CTBP2: variants seen among roughly 807,000 people sequenced by gnomAD.
CTBP2 encodes the protein C-terminal-binding protein 2.
A neutral mutation model predicts 80.3 loss-of-function variants in CTBP2; 30 were observed. The observed-to-expected ratio is 0.37, with a 90% CI of 0.28 to 0.51. CTBP2 has a LOEUF of 0.51. CTBP2 is among the 20% of genes least tolerant of loss of function. The probability of loss-of-function intolerance (pLI) is 0.93; values close to 1 mark genes in which losing one functional copy is unlikely to be tolerated. For synonymous variants in CTBP2, 594 were observed against 587.4 expected (o/e 1.01, Z -0.16); for missense variants, 1,212 against 1,375.3 (o/e 0.88, Z 1.88).
chr10:125,160,173 C>G, intron 1 of CTBP2, 146 bp downstream of exon 1: 1 of 150,720 alleles, frequency 6.6e-6, no homozygotes, highest in East Asian at 2.0e-4. Flanking sequence ...TCCTCGGATG[C>G]CGGCTCCGCG....
chr10:125,055,154 C>T (rs999234611), intron 2 of CTBP2, among the ~76,000 whole-genome samples: 1 of 152,180 alleles, frequency 6.6e-6, no homozygotes. Flanking sequence ...GACCTTCTTG[C>T]TTTTTCTTAA....
Position 125,098,768 on chromosome 10 carries a change from G to GAGAGAGAC in CTBP2, c.-102+12221_-102+12222insGTCTCTCT, listed in dbSNP as rs1850139318. ...AGAGAGACAGAGAGAGAGAGAGAGAGAGAGAGAGAGACAGAGAGAGAGACA... is the reference window on the plus strand; with the variant it reads ...AGAGAGACAGAGAGAGAGAGAGAGAGAGAGAGACAGAGAGAGAGACAGAGAGAGAGACA... On this transcript the variant is annotated intron_variant, in intron 2 of 10. Coordinates refer to the CTBP2 transcript ENST00000337195. Among the ~76,000 whole-genome samples the GAGAGAGAC allele has an allele frequency of 1.7e-4, 23 of 138,454 alleles. 1 individual carries two copies. The highest frequency in any genetic ancestry group is 2.8e-4 in the Admixed American group (4 of 14,176). 90.8% of individuals were successfully genotyped at this position (138,454 alleles called of 152,430 possible). A position where few individuals can be genotyped will look rare whatever the true frequency, so the allele number is the denominator to read the frequency against.
At position 124,985,003 on chromosome 10, in the gene CTBP2, C is replaced by T. The variant is rs145772310; in HGVS notation, c.*4515G>A. The stretch of plus-strand genomic sequence containing the variant: ...GATGAAGATGAATGAAAAAAAAAAT[C>T]AAACAGCAGAAGACCAAGGCATCAG... On this transcript the variant is annotated 3_prime_UTR_variant, in exon 9 of 9. Coordinates refer to ENST00000309035, the MANE Select transcript of CTBP2 (RefSeq NM_022802.3). 4.4e-4 allele frequency: 679 copies of T among 1,541,030 alleles called. 7 individuals are homozygous for T. In the East Asian group the frequency reaches 0.014, roughly 32 times the overall value.
At chr10:125,026,035 T>TG (rs748442465) in intron 1 of CTBP2, 2 of 1,529,114 alleles carry the variant, frequency 1.3e-6, no homozygotes, top group Non-Finnish European at 1.8e-6. Flanking sequence ...CGCACCCCCC[T>TG]GCTCCCCCCA....
intron 1 of CTBP2, among the ~76,000 whole-genome samples, chr10:125,007,325 C>T (rs1955377916): frequency 6.6e-6 from 1 of 152,262 alleles, no homozygotes; most frequent in African/African-American, 2.4e-5. Flanking sequence ...GTGCTGTGCA[C>T]CAGCTCAAGG....
At chr10:125,080,220 T>C (rs1267114449) in intron 2 of CTBP2, among the ~76,000 whole-genome samples, 1 of 152,122 alleles carries the variant, frequency 6.6e-6, no homozygotes, top group Non-Finnish European at 1.5e-5. Flanking sequence ...TCCATATAAC[T>C]TGACTTAGGG....
chr10:125,062,117 C>G (rs1373676998), intron 2 of CTBP2, among the ~76,000 whole-genome samples: 1 of 152,026 alleles, frequency 6.6e-6, no homozygotes, highest in Non-Finnish European at 1.5e-5. Context: ...CTGCTCCCAC[C>G]AGGGCTGGAG....
At chr10:125,119,786 G>A (rs1485327521) in intron 1 of CTBP2, among the ~76,000 whole-genome samples, 2 of 152,176 alleles carry the variant, frequency 1.3e-5, no homozygotes, top group Non-Finnish European at 2.9e-5. Context: ...TTTCTGCAAA[G>A]AGCATGATTT....
intron 1 of CTBP2, among the ~76,000 whole-genome samples, chr10:125,147,582 C>A (rs1387212249): frequency 6.6e-6 from 1 of 152,094 alleles, no homozygotes; most frequent in Non-Finnish European, 1.5e-5. Context: ...CCACAGGGCA[C>A]GACATCTTCC....
chr10:125,152,906 CTT>C (rs35600742), intron 1 of CTBP2, among the ~76,000 whole-genome samples: 1 of 152,216 alleles, frequency 6.6e-6, no homozygotes, highest in Middle Eastern at 3.4e-3. Context: ...AGGGAAAAAA[CTT>C]TAAGATTATT....
chr10:125,113,514 G>T (rs1470028303), intron 1 of CTBP2, among the ~76,000 whole-genome samples: 1 of 152,122 alleles, frequency 6.6e-6, no homozygotes, highest in Non-Finnish European at 1.5e-5. Context: ...TATGTCACAG[G>T]CTTTCTCCTT....
intron 2 of CTBP2, among the ~76,000 whole-genome samples, chr10:125,068,982 G>A (rs1845051196): frequency 6.6e-6 from 1 of 152,052 alleles, no homozygotes; most frequent in African/African-American, 2.4e-5. Context: ...TCCTCCCATC[G>A]CAGGCTGGGG....
intron 1 of CTBP2, among the ~76,000 whole-genome samples, chr10:125,126,600 C>T (rs531853786): frequency 1.3e-5 from 2 of 152,360 alleles, no homozygotes; most frequent in African/African-American, 4.8e-5. Context: ...GGACAAGCCA[C>T]GTACTTGTTC....
chr10:125,130,143 G>A (rs1323479500), intron 1 of CTBP2, among the ~76,000 whole-genome samples: 2 of 151,786 alleles, frequency 1.3e-5, no homozygotes, highest in African/African-American at 4.8e-5. Flanking sequence ...TGCCTCCCAG[G>A]TTCAAGTGAT....
At chr10:125,056,792 G>A (rs1393027551) in intron 2 of CTBP2, among the ~76,000 whole-genome samples, 7 of 152,172 alleles carry the variant, frequency 4.6e-5, no homozygotes, top group Non-Finnish European at 8.8e-5. Context: ...ACCCCATCAC[G>A]GGCAGCAATG....
At chr10:124,992,595 C>T in intron 8 of CTBP2, 100 bp downstream of exon 10, 1 of 723,756 alleles carries the variant, frequency 1.4e-6, no homozygotes, top group Admixed American at 2.7e-5. Context: ...CCTGACTTAG[C>T]ATCTGCGGGA....
At chr10:125,000,193 C>G (rs913562422) in intron 3 of CTBP2, 4 of 152,034 alleles carry the variant, frequency 2.6e-5, no homozygotes, top group African/African-American at 9.7e-5. Context: ...GCAGCCACTG[C>G]CTGGGATGGC....
At chr10:125,058,081 T>C (rs182935131) in intron 2 of CTBP2, among the ~76,000 whole-genome samples, 1 of 152,180 alleles carries the variant, frequency 6.6e-6, no homozygotes, top group East Asian at 1.9e-4. Context: ...GTTAGTATTC[T>C]GCTTGTTCTT....
At chr10:125,119,297 C>T (rs962612147) in intron 1 of CTBP2, among the ~76,000 whole-genome samples, 3 of 152,176 alleles carry the variant, frequency 2.0e-5, no homozygotes, top group African/African-American at 4.8e-5. Flanking sequence ...GAGGAGTCAG[C>T]GAGGGTGTGA....
Sources: gnomAD v4.1 joint callset for allele counts (sites outside exome capture counted in the v4.1 genomes callset) on GRCh38, gnomAD v4.1.1 for gene constraint, MANE v1.5 for transcripts, NCBI Gene and HGNC (gene_info 2026-07-23, HGNC 2026-07-21) for gene names.